The following ELF2 variants were observed in gnomAD, a reference collection of about 807,000 sequenced individuals.
ELF2 encodes ETS-related transcription factor Elf-2.
ELF2 carries 11 observed loss-of-function variants against 54.8 expected under a neutral mutation model. That is an observed-to-expected ratio of 0.20 (90% CI 0.13 to 0.33). The LOEUF (loss-of-function observed/expected upper bound fraction) is 0.33. ELF2 is among the 10% of genes least tolerant of loss of function. ELF2 has a pLI of 1.00. For missense variants in ELF2, 513 were observed against 703.0 expected (o/e 0.73, Z 3.06); for synonymous variants, 203 against 245.1 (o/e 0.83, Z 1.61).
At chr4:139,154,158 TTTAAGAG>T (rs1194489995) in intron 1 of ELF2, among the ~76,000 whole-genome samples, 1 of 152,216 alleles carries the variant, frequency 6.6e-6, no homozygotes, top group Non-Finnish European at 1.5e-5. Flanking sequence ...GCTAGTATGA[TTTAAGAG>T]TTAAAAGTCT....
At chr4:139,062,780 G>A (rs975952877) in intron 7 of ELF2, among the ~76,000 whole-genome samples, 1 of 152,170 alleles carries the variant, frequency 6.6e-6, no homozygotes, top group African/African-American at 2.4e-5. Flanking sequence ...ACAACGAAAT[G>A]TGTAAAACTT....
intron 8 of ELF2, among the ~76,000 whole-genome samples, 179 bp from the exon 9 acceptor site, chr4:139,060,853 T>C (rs1727732135): frequency 6.6e-6 from 1 of 151,922 alleles, no homozygotes; most frequent in South Asian, 2.1e-4. Flanking sequence ...AAATTTAGAG[T>C]AGGAATCAAG....
intron 3 of ELF2, 105 bp from the exon 4 acceptor site, chr4:139,125,434 T>G (rs1736821556): frequency 7.7e-7 from 1 of 1,300,752 alleles, no homozygotes; most frequent in Admixed American, 3.0e-5. Flanking sequence ...ACATAATGAG[T>G]TTCAAATATT....
chr4:139,164,409 G>A (rs1324164381), intron 1 of ELF2, among the ~76,000 whole-genome samples: 1 of 152,154 alleles, frequency 6.6e-6, no homozygotes, highest in East Asian at 1.9e-4. Context: ...GCGGAGGCGG[G>A]TGGATCACCT....
chr4:139,092,935 C>T (rs933643932), intron 4 of ELF2, among the ~76,000 whole-genome samples: 5 of 150,466 alleles, frequency 3.3e-5, no homozygotes, highest in African/African-American at 1.2e-4. Flanking sequence ...CATACGCATA[C>T]ACATACAAAA....
intron 7 of ELF2, among the ~76,000 whole-genome samples, chr4:139,065,298 G>C (rs1180576225): frequency 1.3e-5 from 2 of 152,040 alleles, no homozygotes; most frequent in Non-Finnish European, 2.9e-5. Flanking sequence ...GGCAACATAG[G>C]GGGACCCGTC....
At chr4:139,138,254 TA>T (rs1738377217) in intron 2 of ELF2, among the ~76,000 whole-genome samples, 2 of 152,012 alleles carry the variant, frequency 1.3e-5, no homozygotes, top group South Asian at 2.1e-4. Flanking sequence ...CCACCTTTAC[TA>T]AAAATACAAA....
intron 5 of ELF2, 148 bp from the exon 6 acceptor site, chr4:139,072,187 AT>A: frequency 1.4e-6 from 1 of 697,698 alleles, no homozygotes; most frequent in South Asian, 2.1e-5. Flanking sequence ...TTTGCTGAAT[AT>A]TCGATATGAT....
intron 4 of ELF2, among the ~76,000 whole-genome samples, chr4:139,086,930 T>C (rs1278876003): frequency 6.6e-6 from 1 of 152,202 alleles, no homozygotes; most frequent in African/African-American, 2.4e-5. Context: ...AAAAGGACTA[T>C]GGCTAATTTT....
At chr4:139,071,232 T>G (rs927903465) in intron 6 of ELF2, among the ~76,000 whole-genome samples, 31 of 152,142 alleles carry the variant, frequency 2.0e-4, no homozygotes, top group African/African-American at 7.5e-4. Flanking sequence ...TAGCATGATA[T>G]ATAATAAATG....
chr4:139,163,127 T>A (rs190914673), intron 1 of ELF2, among the ~76,000 whole-genome samples: 2 of 152,240 alleles, frequency 1.3e-5, no homozygotes, highest in Admixed American at 1.3e-4. Flanking sequence ...AATACTGATA[T>A]ATGATAGTTC....
Position 139,149,727 on chromosome 4 carries a change from A to T in ELF2, c.-251-10230T>A, listed in dbSNP as rs145198116. ...GGGTGTATATGATTTTTATAAAGAA[A>T]ATCATAAAATTCCTTGAAAAAAATT... On this transcript the variant is annotated intron_variant, in intron 1 of 9. Transcript: ENST00000686138. Among the ~76,000 whole-genome samples the T allele has an allele frequency of 4.8e-4, 73 of 152,370 alleles. 1 individual carries two copies. In the East Asian group the frequency reaches 0.01, roughly 21 times the overall value.
At chr4:139,170,631 T>C (rs945090094) in intron 1 of ELF2, among the ~76,000 whole-genome samples, 9 of 147,472 alleles carry the variant, frequency 6.1e-5, no homozygotes, top group Admixed American at 6.1e-4. Flanking sequence ...ATGTATCTAC[T>C]AAAAAACTTA....
At chr4:139,164,729 G>A (rs1560887972) in intron 1 of ELF2, among the ~76,000 whole-genome samples, 1 of 152,138 alleles carries the variant, frequency 6.6e-6, no homozygotes, top group African/African-American at 2.4e-5. Context: ...ATTGCAAGAG[G>A]TTTTTATGTT....
intron 8 of ELF2, 34 bp from the exon 9 acceptor site, chr4:139,060,708 A>G (rs1727705574): frequency 1.3e-6 from 2 of 1,532,350 alleles, no homozygotes; most frequent in South Asian, 1.3e-5. Flanking sequence ...TGAATCAAGT[A>G]TATTATTTCT....
At chr4:139,100,992 CTTTGGAGGCAAA>C (rs1424831533) in intron 4 of ELF2, among the ~76,000 whole-genome samples, 1 of 152,160 alleles carries the variant, frequency 6.6e-6, no homozygotes, top group Non-Finnish European at 1.5e-5. Context: ...TCGAGATATA[CTTTGGAGGCAAA>C]ATTAACATGA....
intron 1 of ELF2, among the ~76,000 whole-genome samples, chr4:139,164,620 G>A (rs926506590): frequency 1.1e-4 from 16 of 152,356 alleles, no homozygotes; most frequent in African/African-American, 3.8e-4. Context: ...CTAGGTGACA[G>A]AATGAGACCC....
At chr4:139,101,107 C>T (rs1458686362) in intron 4 of ELF2, among the ~76,000 whole-genome samples, 1 of 152,132 alleles carries the variant, frequency 6.6e-6, no homozygotes, top group Non-Finnish European at 1.5e-5. Context: ...TTTTATTTAT[C>T]CTCCCAAACT....
chr4:139,092,965 A>ACT (rs1553959863), intron 4 of ELF2, among the ~76,000 whole-genome samples: 1 of 136,622 alleles, frequency 7.3e-6, no homozygotes, highest in Non-Finnish European at 1.6e-5. Context: ...ATAGTAAATA[A>ACT]TTTTTTTTTT....
Sources: allele counts gnomAD v4.1 joint callset (sites outside exome capture counted in the v4.1 genomes callset), GRCh38; gene constraint gnomAD v4.1.1; transcripts MANE v1.5; gene names NCBI Gene and HGNC (gene_info 2026-07-23, HGNC 2026-07-21).